The following CADM1 variants were observed in gnomAD, a reference collection of about 807,000 sequenced individuals.
The protein encoded by CADM1 is TSLC-1.
CADM1 carries 15 observed loss-of-function variants against 53.1 expected under a neutral mutation model. The ratio of observed to expected loss-of-function variants is 0.28; its 90% CI spans 0.19 to 0.44. CADM1 has a LOEUF of 0.44. Ranked by LOEUF, CADM1 falls within the 20% of genes least tolerant of loss-of-function variation. The pLI is 1.00. For missense variants in CADM1, 434 were observed against 611.3 expected (o/e 0.71, Z 3.06); for synonymous variants, 281 against 243.0 (o/e 1.16, Z -1.45).
intron 1 of CADM1, among the ~76,000 whole-genome samples, chr11:115,312,417 G>A (rs2135165632): frequency 6.6e-6 from 1 of 152,202 alleles, no homozygotes. Context: ...CGGAGGGTAG[G>A]ATGCTAAATA....
intron 1 of CADM1, among the ~76,000 whole-genome samples, chr11:115,451,935 T>C (rs764409564): frequency 6.6e-6 from 1 of 151,914 alleles, no homozygotes; most frequent in Non-Finnish European, 1.5e-5. Context: ...AAAAAAAACT[T>C]TTTGGAAATT....
intron 1 of CADM1, among the ~76,000 whole-genome samples, chr11:115,484,735 C>G (rs1747564502): frequency 6.6e-6 from 1 of 151,918 alleles, no homozygotes; most frequent in African/African-American, 2.4e-5. Flanking sequence ...ATCACAAGGT[C>G]AGGAGATTGA....
At chr11:115,186,005 G>A (rs1490711276) in intron 10 of CADM1, among the ~76,000 whole-genome samples, 1 of 152,180 alleles carries the variant, frequency 6.6e-6, no homozygotes, top group African/African-American at 2.4e-5. Flanking sequence ...TGGAAGAAAA[G>A]TTCCCGTTTG....
At chr11:115,386,905 A>G (rs1946713176) in intron 1 of CADM1, among the ~76,000 whole-genome samples, 1 of 152,252 alleles carries the variant, frequency 6.6e-6, no homozygotes, top group South Asian at 2.1e-4. Context: ...AAGTTAAACT[A>G]GAAGAGTGGG....
At chr11:115,177,736 G>A (rs1004183965) in intron 11 of CADM1, among the ~76,000 whole-genome samples, 1 of 151,418 alleles carries the variant, frequency 6.6e-6, no homozygotes, top group African/African-American at 2.4e-5. Context: ...AGTGTGGGCA[G>A]AGGGCGAAGT....
intron 1 of CADM1, among the ~76,000 whole-genome samples, chr11:115,347,468 G>A (rs1166322214): frequency 6.6e-6 from 1 of 152,114 alleles, no homozygotes; most frequent in African/African-American, 2.4e-5. Context: ...TGAGAAAGGA[G>A]GCCATTTCAG....
At chr11:115,228,092 A>G (rs1200644755) in intron 5 of CADM1, among the ~76,000 whole-genome samples, 1 of 152,196 alleles carries the variant, frequency 6.6e-6, no homozygotes, top group African/African-American at 2.4e-5. Flanking sequence ...TCATGTGACG[A>G]TGAAGGCAGA....
At chr11:115,195,738 C>T (rs1259857318) in intron 9 of CADM1, among the ~76,000 whole-genome samples, 2 of 152,100 alleles carry the variant, frequency 1.3e-5, no homozygotes, top group Admixed American at 1.3e-4. Flanking sequence ...GTTCTATTAC[C>T]TTTTCTATCC....
chr11:115,244,376 CT>C (rs1942340515), intron 1 of CADM1, among the ~76,000 whole-genome samples: 1 of 152,208 alleles, frequency 6.6e-6, no homozygotes, highest in African/African-American at 2.4e-5. Context: ...ACATAAAACA[CT>C]TGCCTGGATT....
intron 1 of CADM1, among the ~76,000 whole-genome samples, chr11:115,329,039 T>C (rs1235892181): frequency 6.6e-6 from 1 of 151,872 alleles, no homozygotes; most frequent in African/African-American, 2.4e-5. Context: ...TAAATAAATT[T>C]TATTAAACTT....
chr11:115,463,997 C>T (rs1314452094), intron 1 of CADM1, among the ~76,000 whole-genome samples: 2 of 152,176 alleles, frequency 1.3e-5, no homozygotes, highest in Admixed American at 6.5e-5. Context: ...ATCCCATAGG[C>T]CTTTAAGTCC....
intron 1 of CADM1, among the ~76,000 whole-genome samples, chr11:115,447,388 A>G (rs1308662149): frequency 6.6e-6 from 1 of 152,168 alleles, no homozygotes; most frequent in African/African-American, 2.4e-5. Flanking sequence ...CACTACTTCT[A>G]GTCTCTTTAG....
At chr11:115,448,287 T>A (rs1329377631) in intron 1 of CADM1, among the ~76,000 whole-genome samples, 3 of 152,174 alleles carry the variant, frequency 2.0e-5, no homozygotes, top group African/African-American at 7.2e-5. Flanking sequence ...ATAAGTAGAA[T>A]ATGAATAAGT....
chr11:115,288,255 A>G (rs28552819), intron 1 of CADM1, among the ~76,000 whole-genome samples: 1 of 152,212 alleles, frequency 6.6e-6, no homozygotes, highest in Non-Finnish European at 1.5e-5. Flanking sequence ...AGAATGGGTC[A>G]TCTAGAATTC....
intron 8 of CADM1, among the ~76,000 whole-genome samples, chr11:115,201,069 C>T (rs548567382): frequency 6.6e-6 from 1 of 152,266 alleles, no homozygotes; most frequent in East Asian, 1.9e-4. Flanking sequence ...AATCCATCAA[C>T]TGCACCCAAA....
At chr11:115,470,949 C>T (rs1282745527) in intron 1 of CADM1, among the ~76,000 whole-genome samples, 2 of 152,178 alleles carry the variant, frequency 1.3e-5, no homozygotes, top group South Asian at 2.1e-4. Context: ...CTCTGCAGTA[C>T]GTGCTCCCTT....
chr11:115,490,081 G>A (rs1425872309), intron 1 of CADM1, among the ~76,000 whole-genome samples: 1 of 152,174 alleles, frequency 6.6e-6, no homozygotes, highest in Non-Finnish European at 1.5e-5. Context: ...AACATTTAAA[G>A]TTTTGAGCAA....
chr11:115,494,777 G>C (rs534561425), intron 1 of CADM1, among the ~76,000 whole-genome samples: 1 of 152,090 alleles, frequency 6.6e-6, no homozygotes, highest in East Asian at 1.9e-4. Flanking sequence ...ATAGAGATAG[G>C]TAAATAGGCA....
intron 1 of CADM1, among the ~76,000 whole-genome samples, chr11:115,308,613 G>A (rs1175321607): frequency 1.3e-5 from 2 of 151,746 alleles, no homozygotes; most frequent in South Asian, 2.1e-4. Flanking sequence ...TAGTTTTCTC[G>A]TAGAAAGGTA....
Sources: allele counts gnomAD v4.1 joint callset (sites outside exome capture counted in the v4.1 genomes callset), GRCh38; gene constraint gnomAD v4.1.1; transcripts MANE v1.5; gene names NCBI Gene and HGNC (gene_info 2026-07-23, HGNC 2026-07-21).